The following IGFBP2 variants were observed in gnomAD, a reference collection of about 807,000 sequenced individuals.
IGFBP2 encodes the protein insulin-like growth factor-binding protein 2.
A neutral mutation model predicts 26.2 loss-of-function variants in IGFBP2; 12 were observed. The observed-to-expected ratio is 0.46, with a 90% confidence interval of 0.29 to 0.74. The LOEUF is 0.74. Ranked by LOEUF, IGFBP2 falls within the 30% of genes least tolerant of loss-of-function variation. The pLI is 0.09. For synonymous variants in IGFBP2, 189 were observed against 200.6 expected (o/e 0.94, Z 0.49); for missense variants, 328 against 441.2 (o/e 0.74, Z 2.30).
At position 216,633,926 on chromosome 2, in the gene IGFBP2, C is replaced by G. The variant is rs1300067188; in HGVS notation, c.403C>G (p.Arg135Gly). Residue 135 changes from arginine to glycine, a missense_variant, in exon 1 of 4, where the codon CGG becomes GGG. By Grantham distance (125) the Arg-to-Gly change is moderately radical. Transcript: ENST00000233809. ...GGGCGAGGGCACTTGTGAGAAGCGC[C>G]GGGACGCCGAGTATGGCGCCAGCCC... is the stretch of plus-strand genomic sequence containing the variant. ...VMGEGTCEKR[R>G]DAEYGASPEQ... 2 of 1,602,960 alleles carry G rather than the reference C, an allele frequency of 1.2e-6. No homozygotes were observed. Among genetic ancestry groups the G allele is most frequent in the African/African-American group, 2.7e-5 (2 of 74,904 alleles).
intron 1 of IGFBP2, among the ~76,000 whole-genome samples, chr2:216,647,728 G>A (rs780046084): frequency 7.9e-5 from 12 of 152,232 alleles, no homozygotes; most frequent in South Asian, 4.2e-4. Context: ...CACCATGTTA[G>A]CCAGGATGGT....
chr2:216,640,076 C>G (rs917211120), intron 1 of IGFBP2, among the ~76,000 whole-genome samples: 3 of 152,196 alleles, frequency 2.0e-5, no homozygotes, highest in Non-Finnish European at 4.4e-5. Flanking sequence ...ACCATTCTTT[C>G]CTTTCCCACA....
intron 3 of IGFBP2, chr2:216,663,513 C>CTT (rs200032852): frequency 0.011 from 1,828 of 159,570 alleles, 30 homozygotes; most frequent in African/African-American, 0.041. Flanking sequence ...AGCAGTGTGT[C>CTT]TTGCACACAC....
intron 1 of IGFBP2, among the ~76,000 whole-genome samples, chr2:216,650,718 C>G (rs1697802788): frequency 6.6e-6 from 1 of 152,134 alleles, no homozygotes; most frequent in South Asian, 2.1e-4. Context: ...ATCTTATAAC[C>G]TAGGGGACTT....
At chr2:216,634,012 G>A (rs1697441778) in intron 1 of IGFBP2, 47 bp downstream of exon 1, 1 of 1,534,910 alleles carries the variant, frequency 6.5e-7, no homozygotes. Context: ...GGAGGGCAGC[G>A]GAGAAGCCCG....
In IGFBP2 at chr2:216,661,854, G is replaced by T. The variant is rs201314272; in HGVS notation, c.673-4G>T. 2 of 1,614,068 alleles carry T rather than the reference G, an allele frequency of 1.2e-6. No homozygotes were observed. Among genetic ancestry groups the T allele is most frequent in the East Asian group, 2.2e-5 (1 of 44,882 alleles). Reference sequence around the variant, plus strand: ...CGGGCGTCCCCTGCTGTCTGTGCGTGCAGACTCCCTGCCAACAGGAACTGG... The same window carrying T: ...CGGGCGTCCCCTGCTGTCTGTGCGTTCAGACTCCCTGCCAACAGGAACTGG... On this transcript the variant is annotated splice_region_variant and splice_polypyrimidine_tract_variant and intron_variant, in intron 2 of 3. Transcript: ENST00000233809.
At chr2:216,659,486 T>C (rs1246469479) in intron 1 of IGFBP2, 1 of 559,126 alleles carries the variant, frequency 1.8e-6, no homozygotes, top group Non-Finnish European at 3.2e-6. Flanking sequence ...TCCAAGGGGT[T>C]GGGGCTGGGG....
At chr2:216,657,411 C>A (rs574057167) in intron 1 of IGFBP2, among the ~76,000 whole-genome samples, 63 of 152,320 alleles carry the variant, frequency 4.1e-4, no homozygotes, top group African/African-American at 1.5e-3. Context: ...CTTTCCCCGG[C>A]CTTTCTCTTT....
chr2:216,641,914 T>C (rs1387328272), intron 1 of IGFBP2, among the ~76,000 whole-genome samples: 1 of 151,286 alleles, frequency 6.6e-6, no homozygotes, highest in Non-Finnish European at 1.5e-5. Flanking sequence ...ATGGTCTCGA[T>C]CTCCTGACCT....
chr2:216,633,480 CCGCT>C lies in IGFBP2; in HGVS notation c.-32_-29del, dbSNP rs1242751512. On this transcript the variant is annotated 5_prime_UTR_variant, in exon 1 of 4. Coordinates refer to ENST00000233809, the MANE Select transcript of IGFBP2 (RefSeq NM_000597.3). ...AGGGCCGTGCCACCTGCCCGCCCGC[CCGCT>C]CGCTCGCTCGCCCGCCGCGCCGCGC... The C allele has an allele frequency of 9.2e-5, 46 of 500,252 alleles. No homozygotes were observed. The highest frequency in any genetic ancestry group is 1.6e-4 in the South Asian group (2 of 12,530). The allele number at this position is 500,252 out of a possible 1,614,324, so 31.0% of individuals were successfully genotyped here.
At chr2:216,663,917 A>G (rs369153336) in intron 3 of IGFBP2, 23 bp from the exon 4 acceptor site, 1 of 1,608,282 alleles carries the variant, frequency 6.2e-7, no homozygotes, top group Non-Finnish European at 8.5e-7. Flanking sequence ...GGGCTCCTCC[A>G]TGCTCTTCTC....
intron 1 of IGFBP2, among the ~76,000 whole-genome samples, chr2:216,659,012 C>A (rs7567238): frequency 0.049 from 7,471 of 152,288 alleles, 466 homozygotes; most frequent in African/African-American, 0.15. Flanking sequence ...CAGAGCTGGA[C>A]TTTAACCCGG....
intron 1 of IGFBP2, among the ~76,000 whole-genome samples, chr2:216,651,048 C>T (rs1223353731): frequency 2.0e-5 from 3 of 152,066 alleles, no homozygotes; most frequent in Non-Finnish European, 4.4e-5. Flanking sequence ...CATCTGTGCA[C>T]ACTATTCAGA....
intron 1 of IGFBP2, among the ~76,000 whole-genome samples, chr2:216,648,952 G>A (rs1697766942): frequency 6.6e-6 from 1 of 152,156 alleles, no homozygotes; most frequent in Non-Finnish European, 1.5e-5. Flanking sequence ...ATGCAGAAAA[G>A]TACAAAGAAC....
In IGFBP2 at chr2:216,633,643, C is replaced by T. The variant is rs1697433239; in HGVS notation, c.120C>T (p.Phe40=). ...GCGGGGCGCGCGCGGAGGTGCTGTTCCGCTGCCCGCCCTGCACACCCGAGC... is the reference window on the plus strand; with the variant it reads ...GCGGGGCGCGCGCGGAGGTGCTGTTTCGCTGCCCGCCCTGCACACCCGAGC... ...GGGGARAEVL[F]RCPPCTPERL... is the part of the protein sequence containing the mutation. The change falls in exon 1 of 4, where the codon TTC becomes TTT. Residue 40 remains phenylalanine, a synonymous_variant. Coordinates refer to ENST00000233809, the MANE Select transcript of IGFBP2 (RefSeq NM_000597.3). 3 of 1,061,814 alleles carry T rather than the reference C, an allele frequency of 2.8e-6. No homozygotes were observed. The highest frequency in any genetic ancestry group is 3.4e-5 in the African/African-American group (2 of 58,686). The allele number at this position is 1,061,814 out of a possible 1,614,324, so 65.8% of individuals were successfully genotyped here. A position where few individuals can be genotyped will look rare whatever the true frequency, so the allele number is the denominator to read the frequency against.
At chr2:216,660,133 G>T (rs1188578513) in intron 1 of IGFBP2, among the ~76,000 whole-genome samples, 1 of 152,142 alleles carries the variant, frequency 6.6e-6, no homozygotes, top group African/African-American at 2.4e-5. Flanking sequence ...TCCCAGAAAG[G>T]ACTTAAACCC....
chr2:216,634,894 T>TG (rs1697462958), intron 1 of IGFBP2, among the ~76,000 whole-genome samples: 1 of 62,414 alleles, frequency 1.6e-5, no homozygotes, highest in Non-Finnish European at 3.3e-5. Flanking sequence ...GGAGGTTACT[T>TG]TTTTTTTTTT....
intron 1 of IGFBP2, among the ~76,000 whole-genome samples, chr2:216,643,719 A>G (rs1308898965): frequency 6.6e-6 from 1 of 152,152 alleles, no homozygotes; most frequent in African/African-American, 2.4e-5. Flanking sequence ...AGTTTACGAA[A>G]TTGTGTTGGG....
chr2:216,634,906 T>TTTTTTTTTTTTTTA (rs371560018), intron 1 of IGFBP2, among the ~76,000 whole-genome samples: 4,170 of 128,340 alleles, frequency 0.032, 178 homozygotes, highest in Non-Finnish European at 0.038. Flanking sequence ...TTTTTTTTTT[T>TTTTTTTTTTTTTTA]AATTACGAAA....
Sources: gnomAD v4.1 joint callset for allele counts (sites outside exome capture counted in the v4.1 genomes callset) on GRCh38, gnomAD v4.1.1 for gene constraint, MANE v1.5 for transcripts, NCBI Gene and HGNC (gene_info 2026-07-23, HGNC 2026-07-21) for gene names.